Variants in STON2 observed in about 807,000 individuals in gnomAD.
STON2 encodes the protein stonin 2, also known as stonin-2.
STON2 carries 29 observed loss-of-function variants against 65.7 expected under a neutral mutation model. The observed-to-expected ratio is 0.44, with a 90% CI of 0.33 to 0.60. The LOEUF is 0.60. Ranked by LOEUF, STON2 falls within the 20% of genes least tolerant of loss-of-function variation. The probability of loss-of-function intolerance (pLI) is 0.03; values close to 1 mark genes in which losing one functional copy is unlikely to be tolerated. For synonymous variants in STON2, 404 were observed against 414.2 expected (o/e 0.98, Z 0.30); for missense variants, 1,054 against 1,118.1 (o/e 0.94, Z 0.82).
intron 4 of STON2, among the ~76,000 whole-genome samples, chr14:81,347,822 T>C (rs1030646592): frequency 4.1e-5 from 6 of 146,128 alleles, no homozygotes; most frequent in South Asian, 2.2e-4. Flanking sequence ...GGCAGGAGGA[T>C]TGCTTGAGCC....
chr14:81,433,473 TCA>T (rs1347864185), intron 1 of STON2, among the ~76,000 whole-genome samples: 14 of 152,188 alleles, frequency 9.2e-5, no homozygotes, highest in African/African-American at 3.4e-4. Context: ...CCAGGGTCCT[TCA>T]TCATCTGCCA....
At chr14:81,426,358 T>C (rs554179586) in intron 2 of STON2, among the ~76,000 whole-genome samples, 8 of 152,338 alleles carry the variant, frequency 5.3e-5, no homozygotes, top group Admixed American at 1.3e-4. Flanking sequence ...TCGAGCCAGC[T>C]TGAATTTCCC....
At chr14:81,306,948 G>A (rs997710258) in intron 5 of STON2, among the ~76,000 whole-genome samples, 6 of 152,170 alleles carry the variant, frequency 3.9e-5, no homozygotes, top group Non-Finnish European at 7.4e-5. Flanking sequence ...TTTAAATGGG[G>A]AGCAAACAAT....
At chr14:81,286,016 C>T (rs1437467894) in intron 5 of STON2, among the ~76,000 whole-genome samples, 3 of 115,530 alleles carry the variant, frequency 2.6e-5, no homozygotes, top group Non-Finnish European at 3.9e-5. Flanking sequence ...GGCATGGTGG[C>T]GGGCACCTGT....
intron 4 of STON2, among the ~76,000 whole-genome samples, chr14:81,351,350 A>T (rs1446754711): frequency 6.6e-6 from 1 of 152,102 alleles, no homozygotes; most frequent in East Asian, 1.9e-4. Context: ...ATTGCCCTGG[A>T]GGACTGAAGA....
Position 81,267,241 on chromosome 14 carries a change from A to G in STON2, c.*1173T>C. On this transcript the variant is annotated 3_prime_UTR_variant, in exon 8 of 8. Transcript: ENST00000614646. Reference sequence around the variant, plus strand: ...AGATGAAGAAAAAGAAGATGGAGTGAGCGTTCTGACTCTTGGAATCAGAAT... The same window carrying G: ...AGATGAAGAAAAAGAAGATGGAGTGGGCGTTCTGACTCTTGGAATCAGAAT... The G allele has an allele frequency of 1.0e-6, 1 of 985,396 alleles. No individual in the cohort carries two copies. Among genetic ancestry groups the G allele is most frequent in the East Asian group, 1.1e-4 (1 of 8,812 alleles). 61.0% of individuals were successfully genotyped at this position (985,396 alleles called of 1,614,324 possible).
chr14:81,354,177 G>A (rs74066419), intron 4 of STON2, among the ~76,000 whole-genome samples: 4,621 of 152,252 alleles, frequency 0.03, 247 homozygotes, highest in African/African-American at 0.1. Context: ...CTGAAGTGAC[G>A]ACAGGGTCCA....
intron 3 of STON2, among the ~76,000 whole-genome samples, chr14:81,376,187 T>C (rs1466750590): frequency 6.6e-6 from 1 of 151,434 alleles, no homozygotes; most frequent in African/African-American, 2.4e-5. Context: ...AAATAATAAA[T>C]ATAAAATCAT....
At position 81,261,646 on chromosome 14, in the gene STON2, A is replaced by G; in HGVS notation, c.*6768T>C. The G allele has an allele frequency of 1.2e-6, 1 of 830,552 alleles. No homozygotes were observed. Among genetic ancestry groups the G allele is most frequent in the Non-Finnish European group, 1.6e-6 (1 of 613,660 alleles). The allele number at this position is 830,552 out of a possible 1,614,324, so 51.4% of individuals were successfully genotyped here. A position where few individuals can be genotyped will look rare whatever the true frequency, so the allele number is the denominator to read the frequency against. ...TCCTTCAATTTTCACAATATTTTAT[A>G]CAAAATGACAAATATATATATACCT... is the stretch of plus-strand genomic sequence containing the variant. On this transcript the variant is annotated 3_prime_UTR_variant, in exon 8 of 8. Transcript: ENST00000614646.
chr14:81,324,930 C>T (rs983672886), intron 4 of STON2, among the ~76,000 whole-genome samples: 1 of 152,162 alleles, frequency 6.6e-6, no homozygotes, highest in Non-Finnish European at 1.5e-5. Context: ...AGGTACTTGC[C>T]TCAATTAACC....
intron 4 of STON2, among the ~76,000 whole-genome samples, chr14:81,355,419 G>A (rs1898186957): frequency 6.6e-6 from 1 of 151,868 alleles, no homozygotes; most frequent in African/African-American, 2.4e-5. Context: ...CACATACAAA[G>A]GGGTCCCAAT....
At chr14:81,410,579 A>G (rs1335958237) in intron 2 of STON2, among the ~76,000 whole-genome samples, 3 of 152,224 alleles carry the variant, frequency 2.0e-5, no homozygotes, top group Non-Finnish European at 2.9e-5. Flanking sequence ...CCTGAGCTCC[A>G]GTGAGAACAC....
At position 81,263,882 on chromosome 14, in the gene STON2, G is replaced by A; in HGVS notation, c.*4532C>T. The stretch of plus-strand genomic sequence containing the variant: ...CTGTTTTCCCACCACTAAACTTATG[G>A]TGAAATATATATCACCTCTGAAATC... On this transcript the variant is annotated 3_prime_UTR_variant, in exon 8 of 8. Transcript: ENST00000614646. 2 of 985,394 alleles carry A rather than the reference G, an allele frequency of 2.0e-6. No individual in the cohort carries two copies. Among genetic ancestry groups the A allele is most frequent in the Middle Eastern group, 5.2e-4 (1 of 1,914 alleles). 61.0% of individuals were successfully genotyped at this position (985,394 alleles called of 1,614,324 possible).
intron 2 of STON2, among the ~76,000 whole-genome samples, chr14:81,417,274 G>A (rs987395615): frequency 1.3e-5 from 2 of 150,054 alleles, no homozygotes; most frequent in Non-Finnish European, 3.0e-5. Flanking sequence ...GCTATTCACC[G>A]CCCCGCCCCC....
At chr14:81,331,309 T>C (rs1250813203) in intron 4 of STON2, among the ~76,000 whole-genome samples, 1 of 152,228 alleles carries the variant, frequency 6.6e-6, no homozygotes, top group Non-Finnish European at 1.5e-5. Flanking sequence ...GATAGGAGAA[T>C]TATGCACCAG....
chr14:81,357,857 G>A lies in STON2; in HGVS notation c.571+13131C>T, dbSNP rs541165782. On this transcript the variant is annotated intron_variant, in intron 4 of 7. Coordinates refer to ENST00000614646, the MANE Select transcript of STON2 (RefSeq NM_001394390.1). ...GAACAATGAGAACACGTGGACACAG[G>A]AAGGGGAACATCACACTCTGGGAAC... Among the ~76,000 whole-genome samples, 69 of 138,022 alleles carry A rather than the reference G, an allele frequency of 5.0e-4. 1 individual carries two copies. Among genetic ancestry groups the A allele is most frequent in the Admixed American group, 1.1e-3 (13 of 12,196 alleles). The allele number at this position is 138,022 out of a possible 152,430, so 90.5% of individuals were successfully genotyped here.
At chr14:81,279,174 A>C (rs1040661099) in intron 5 of STON2, among the ~76,000 whole-genome samples, 3 of 152,232 alleles carry the variant, frequency 2.0e-5, no homozygotes, top group African/African-American at 7.2e-5. Flanking sequence ...TGTAAGTGAT[A>C]ATATGATTAT....
rs568087073 is a variant in STON2 at position 81,411,712 on chromosome 14, G to A, written c.-198-13132C>T. Reference sequence around the variant, plus strand: ...GGCTTTGCAACAGGAGTGAAACTCCGCCTAAAAAATAAATAAGTAAATAAA... The same window carrying A: ...GGCTTTGCAACAGGAGTGAAACTCCACCTAAAAAATAAATAAGTAAATAAA... On this transcript the variant is annotated intron_variant, in intron 2 of 8. Coordinates refer to the STON2 transcript ENST00000553821. Among the ~76,000 whole-genome samples the A allele has an allele frequency of 5.3e-4, 81 of 152,252 alleles. No individual in the cohort carries two copies. The South Asian group carries it at 8.1e-3, about 15-fold the overall frequency.
chr14:81,265,908 G>A lies in STON2; in HGVS notation c.*2506C>T, dbSNP rs1894341676. On this transcript the variant is annotated 3_prime_UTR_variant, in exon 8 of 8. Transcript: ENST00000614646. The stretch of plus-strand genomic sequence containing the variant: ...GTGCTAAGCGTGAGTGACTAAGGAA[G>A]GTGCTGGGATGAGCTTCATTTCCCT... The A allele has an allele frequency of 1.0e-6, 1 of 985,208 alleles. No homozygotes were observed. The highest frequency in any genetic ancestry group is 1.7e-5 in the African/African-American group (1 of 57,216). The allele number at this position is 985,208 out of a possible 1,614,324, so 61.0% of individuals were successfully genotyped here. A position where few individuals can be genotyped will look rare whatever the true frequency, so the allele number is the denominator to read the frequency against.
Sources: gnomAD v4.1 joint callset for allele counts (sites outside exome capture counted in the v4.1 genomes callset) on GRCh38, gnomAD v4.1.1 for gene constraint, MANE v1.5 for transcripts, NCBI Gene and HGNC (gene_info 2026-07-23, HGNC 2026-07-21) for gene names.